The following F10 variants were observed in gnomAD, a reference collection of about 807,000 sequenced individuals.
The protein encoded by F10 is Stuart-Prower factor.
F10 carries 29 observed loss-of-function variants against 37.1 expected under a neutral mutation model. The ratio of observed to expected loss-of-function variants is 0.78; its 90% CI spans 0.58 to 1.07. The LOEUF is 1.07. Ranked by LOEUF, F10 falls within the 50% of genes least tolerant of loss-of-function variation. The pLI is 0.00. For synonymous variants in F10, 262 were observed against 268.6 expected, an observed-to-expected ratio of 0.98 and a Z score of 0.24; for missense variants, 539 against 667.9, an observed-to-expected ratio of 0.81 and a Z score of 2.13.
Position 113,147,423 on chromosome 13 carries a change from C to A in F10, c.792C>A (p.Thr264=), listed in dbSNP as rs5960. Residue 264 remains threonine (T), a synonymous_variant, in exon 7 of 8, where the codon ACC becomes ACA. Coordinates refer to ENST00000375559, the MANE Select transcript of F10 (RefSeq NM_000504.4). ...NEENEGFCGG[T]ILSEFYILTA... is the part of the protein sequence containing the mutation. ...AAAACGAGGGTTTCTGTGGTGGAAC[C>A]ATTCTGAGCGAGTTCTACATCCTAA... 2 of 1,613,614 alleles carry A rather than the reference C, an allele frequency of 1.2e-6. No individual in the cohort carries two copies. Among genetic ancestry groups the A allele is most frequent in the East Asian group, 2.2e-5 (1 of 44,844 alleles).
Position 113,143,700 on chromosome 13 carries a change from C to CAAT in F10, c.503-151_503-150insAAT. 162 of 1,143,742 alleles carry CAAT rather than the reference C, an allele frequency of 1.4e-4. No homozygotes were observed. The highest frequency in any genetic ancestry group is 5.9e-4 in the Admixed American group (24 of 40,558). 70.8% of individuals were successfully genotyped at this position (1,143,742 alleles called of 1,614,324 possible). On this transcript the variant is annotated intron_variant, in intron 5 of 7. Transcript: ENST00000375559. The surrounding 1 kb of genome is among the most constrained non-coding windows in gnomAD (Gnocchi z 6.8). ...CTGCAGATCCGACCCCTGCCGACGA[C>CAAT]GTGGGGCCTCGCCCTGCAAGCCCGC...
rs1320727681 is a variant in F10, at chr13:113,143,529, T to C, written c.503-322T>C. Among the ~76,000 whole-genome samples the C allele has an allele frequency of 6.6e-6, 1 of 152,154 alleles. No homozygotes were observed. Among genetic ancestry groups the C allele is most frequent in the Non-Finnish European group, 1.5e-5 (1 of 68,018 alleles). On this transcript the variant is annotated intron_variant, in intron 5 of 7. Transcript: ENST00000375559. The surrounding 1 kb of genome is among the most constrained non-coding windows in gnomAD (Gnocchi z 6.8). ...CGCCCGGCCCGTTTGTCTCTGTCCATCCGTCAAGCTTTCTTGACTTCTTGG... is the reference window on the plus strand; with the variant it reads ...CGCCCGGCCCGTTTGTCTCTGTCCACCCGTCAAGCTTTCTTGACTTCTTGG...
In F10 at chr13:113,141,538, T is replaced by G. The variant is rs2036527740; in HGVS notation, c.502+488T>G. On this transcript the variant is annotated intron_variant, in intron 5 of 7. Coordinates refer to ENST00000375559, the MANE Select transcript of F10 (RefSeq NM_000504.4). This position sits in a 1 kb window ranked among gnomAD's most constrained non-coding sequence, Gnocchi z 5.4. The stretch of plus-strand genomic sequence containing the variant: ...TCTGAGCTCCTTTTACCAGGACCAG[T>G]GTTCATTGAACGTAGTTTTTCTTTT... 6.6e-6 allele frequency among the ~76,000 whole-genome samples: 1 copy of G among 152,188 alleles called. No individual in the cohort carries two copies. The highest frequency in any genetic ancestry group is 2.4e-5 in the African/African-American group (1 of 41,454).
intron 6 of F10, among the ~76,000 whole-genome samples, chr13:113,145,682 G>A (rs954146710): frequency 3.3e-5 from 5 of 152,174 alleles, no homozygotes; most frequent in African/African-American, 7.2e-5. Context: ...AGGCCTCACC[G>A]TCACGGTGGA....
intron 2 of F10, among the ~76,000 whole-genome samples, chr13:113,137,441 TG>T (rs1213323117): frequency 2.0e-5 from 3 of 152,166 alleles, no homozygotes; most frequent in African/African-American, 7.2e-5. Context: ...AGTCTCTCCA[TG>T]TGTTGAAATT....
At chr13:113,140,894 G>C in intron 4 of F10, 25 bp from the exon 5 acceptor site, 2 of 1,613,898 alleles carry the variant, frequency 1.2e-6, no homozygotes, top group African/African-American at 1.3e-5. Flanking sequence ...GCTGTCCCCA[G>C]AGCCAACGTG....
intron 1 of F10, among the ~76,000 whole-genome samples, chr13:113,127,300 G>A (rs542955858): frequency 2.0e-5 from 3 of 152,336 alleles, no homozygotes; most frequent in Admixed American, 1.3e-4. Context: ...GGAGTTCTGA[G>A]ATGAGGGAAG....
At chr13:113,138,092 G>A (rs1035383700) in intron 2 of F10, among the ~76,000 whole-genome samples, 15 of 152,182 alleles carry the variant, frequency 9.9e-5, no homozygotes, top group African/African-American at 3.1e-4. Context: ...TGACAAGCAC[G>A]TGACCCTTGT....
intron 1 of F10, chr13:113,128,448 T>G (rs1431750515): frequency 6.6e-6 from 1 of 152,144 alleles, no homozygotes; most frequent in Non-Finnish European, 1.5e-5. Context: ...GAAAGGAGTA[T>G]CTGGGTTAAG....
Position 113,143,733 on chromosome 13 carries a change from C to G in F10, c.503-118C>G. 1 of 1,511,630 alleles carries G rather than the reference C, an allele frequency of 6.6e-7. No homozygotes were observed. The highest frequency in any genetic ancestry group is 1.4e-5 in the African/African-American group (1 of 72,758). The allele number at this position is 1,511,630 out of a possible 1,614,324, so 93.6% of individuals were successfully genotyped here. A position where few individuals can be genotyped will look rare whatever the true frequency, so the allele number is the denominator to read the frequency against. On this transcript the variant is annotated intron_variant, in intron 5 of 7. Coordinates refer to ENST00000375559, the MANE Select transcript of F10 (RefSeq NM_000504.4). The surrounding 1 kb of genome is among the most constrained non-coding windows in gnomAD (Gnocchi z 6.8). ...CTCGCCCTGCAAGCCCGCTGCCCCT[C>G]CGGGTGCCCCTGCGCTCTGCCTCCC...
Position 113,147,405 on chromosome 13 carries a change from G to A in F10, c.774G>A (p.Glu258=). 3 of 1,613,694 alleles carry A rather than the reference G, an allele frequency of 1.9e-6. No homozygotes were observed. The highest frequency in any genetic ancestry group is 2.5e-6 in the Non-Finnish European group (3 of 1,179,648). The change falls in exon 7 of 8, where the codon GAG becomes GAA. Residue 258 remains glutamate (E), a synonymous_variant. Coordinates refer to ENST00000375559, the MANE Select transcript of F10 (RefSeq NM_000504.4). ...WQALLINEEN[E]GFCGGTILSE... ...CCCTGCTCATCAATGAGGAAAACGA[G>A]GGTTTCTGTGGTGGAACCATTCTGA...
intron 2 of F10, among the ~76,000 whole-genome samples, chr13:113,134,286 G>T (rs2036459161): frequency 6.6e-6 from 1 of 152,158 alleles, no homozygotes; most frequent in Non-Finnish European, 1.5e-5. Flanking sequence ...AAAAAAGCTT[G>T]TTTTAGTCCC....
intron 2 of F10, among the ~76,000 whole-genome samples, chr13:113,132,873 T>C (rs1205316100): frequency 6.6e-6 from 1 of 152,160 alleles, no homozygotes; most frequent in Non-Finnish European, 1.5e-5. Context: ...AATAAAAAGA[T>C]TGAACTCACA....
rs772150891 is a variant in F10, at chr13:113,147,513, C to G, written c.865+17C>G. On this transcript the variant is annotated intron_variant, in intron 7 of 7. Coordinates refer to ENST00000375559, the MANE Select transcript of F10 (RefSeq NM_000504.4). Reference sequence around the variant, plus strand: ...TGAGGGTAGGTAAGTGACCAACAGCCCCCAGGGCCGTGGTGAGGGGCACCG... The same window carrying G: ...TGAGGGTAGGTAAGTGACCAACAGCGCCCAGGGCCGTGGTGAGGGGCACCG... The G allele has an allele frequency of 2.6e-6, 4 of 1,527,886 alleles. No individual in the cohort carries two copies. Among genetic ancestry groups the G allele is most frequent in the Non-Finnish European group, 3.6e-6 (4 of 1,100,678 alleles). 94.6% of individuals were successfully genotyped at this position (1,527,886 alleles called of 1,614,324 possible). A position where few individuals can be genotyped will look rare whatever the true frequency, so the allele number is the denominator to read the frequency against.
chr13:113,129,714 G>C, intron 2 of F10, 102 bp downstream of exon 2: 1 of 1,508,790 alleles, frequency 6.6e-7, no homozygotes, highest in Non-Finnish European at 9.2e-7. Context: ...CTGGAGGAAG[G>C]GGCAGCGTGC....
intron 3 of F10, 129 bp downstream of exon 3, chr13:113,138,610 G>T: frequency 7.6e-6 from 5 of 661,532 alleles, no homozygotes; most frequent in African/African-American, 1.8e-5. Flanking sequence ...TTTCCCTCAG[G>T]GTGTTTCCAT....
chr13:113,143,701 G>GCTAA lies in F10; in HGVS notation c.503-150_503-149insCTAA. On this transcript the variant is annotated intron_variant, in intron 5 of 7. Transcript: ENST00000375559. The surrounding 1 kb of genome is among the most constrained non-coding windows in gnomAD (Gnocchi z 6.8). ...TGCAGATCCGACCCCTGCCGACGAC[G>GCTAA]TGGGGCCTCGCCCTGCAAGCCCGCT... is the stretch of plus-strand genomic sequence containing the variant. 24 of 1,157,430 alleles carry GCTAA rather than the reference G, an allele frequency of 2.1e-5. No homozygotes were observed. The Admixed American group carries it at 2.2e-4, about 11-fold the overall frequency. 71.7% of individuals were successfully genotyped at this position (1,157,430 alleles called of 1,614,324 possible).
At chr13:113,129,027 A>C (rs996371124) in intron 1 of F10, 2 of 225,930 alleles carry the variant, frequency 8.9e-6, no homozygotes, top group Non-Finnish European at 1.8e-5. Context: ...AAACAAATAC[A>C]ATTTGGAGTA....
intron 2 of F10, among the ~76,000 whole-genome samples, chr13:113,134,651 T>C (rs187425244): frequency 1.3e-5 from 2 of 152,330 alleles, no homozygotes; most frequent in Admixed American, 1.3e-4. Flanking sequence ...AGCCAAACCA[T>C]ATCAATGCTC....
Sources: allele counts gnomAD v4.1 joint callset (sites outside exome capture counted in the v4.1 genomes callset), GRCh38; gene constraint gnomAD v4.1.1; non-coding constraint Gnocchi (gnomAD v3.1); transcripts MANE v1.5; gene names NCBI Gene and HGNC (gene_info 2026-07-23, HGNC 2026-07-21).